BAZ2B: variants seen among roughly 807,000 people sequenced by gnomAD.
BAZ2B encodes the protein bromodomain adjacent to zinc finger domain 2B.
Under a neutral mutation model 246.0 loss-of-function variants are expected in BAZ2B, and 91 were observed. The ratio of observed to expected loss-of-function variants is 0.37; its 90% CI spans 0.31 to 0.44. The LOEUF is 0.44. Among genes scored for constraint, BAZ2B ranks in the 20% least tolerant of loss-of-function variants. BAZ2B has a pLI of 1.00. For synonymous variants in BAZ2B, 855 were observed against 860.0 expected (o/e 0.99, Z 0.10); for missense variants, 2,332 against 2,533.7 (o/e 0.92, Z 1.71).
chr2:159,415,993 T>C (rs577437331), intron 13 of BAZ2B, among the ~76,000 whole-genome samples: 1 of 152,332 alleles, frequency 6.6e-6, no homozygotes, highest in African/African-American at 2.4e-5. Context: ...AAGAACAGAC[T>C]GTGATTCAAA....
At position 159,431,024 on chromosome 2, in the gene BAZ2B, G is replaced by A; in HGVS notation, c.2033C>T (p.Ser678Phe). ...TSMKLNKTTS[S>F]VKSPSMSLTG... ...GAGACTCATGGAAGGGCTTTTGACA[G>A]AGGAAGTTGTTTTATTCAGTTTCAT... is the stretch of plus-strand genomic sequence containing the variant. The change falls in exon 10 of 37, where the codon TCT becomes TTT. Residue 678 changes from serine (S) to phenylalanine (F), a missense_variant. Transcript: ENST00000392783. 6.2e-7 allele frequency: 1 copy of A among 1,614,012 alleles called. No homozygotes were observed. The highest frequency in any genetic ancestry group is 8.5e-7 in the Non-Finnish European group (1 of 1,179,910).
chr2:159,658,769 T>C, the BAZ2B span, among the ~76,000 whole-genome samples: 2 of 152,132 alleles, frequency 1.3e-5, no homozygotes. Flanking sequence ...TGCACTCACT[T>C]TGGCCTCCCA....
the BAZ2B span, among the ~76,000 whole-genome samples, chr2:159,682,914 C>CA: frequency 0.28 from 38,390 of 136,494 alleles, 6,424 homozygotes; most frequent in Admixed American, 0.45. Flanking sequence ...ACCCCTCCCC[C>CA]CCCCCACACA....
chr2:159,502,485 T>A (rs998352517), intron 2 of BAZ2B, among the ~76,000 whole-genome samples: 3 of 144,526 alleles, frequency 2.1e-5, no homozygotes, highest in Non-Finnish European at 4.6e-5. Flanking sequence ...AAAAAAAAAA[T>A]TAGCCAAGCA....
Position 159,338,553 on chromosome 2 carries a change from A to G in BAZ2B, c.5455-781T>C, listed in dbSNP as rs545385586. ...ATGTATGTTGACTGAACAATCAATG[A>G]TCCTGTAGCTCAAAATCCTTCAAAG... is the stretch of plus-strand genomic sequence containing the variant. On this transcript the variant is annotated intron_variant, in intron 31 of 36. Coordinates refer to ENST00000392783, the MANE Select transcript of BAZ2B (RefSeq NM_013450.4). 2.0e-3 allele frequency among the ~76,000 whole-genome samples: 297 copies of G among 152,288 alleles called. 1 individual carries two copies. The highest frequency in any genetic ancestry group is 6.8e-3 in the African/African-American group (282 of 41,564).
intron 1 of BAZ2B, among the ~76,000 whole-genome samples, chr2:159,599,645 A>AC (rs1559874126): frequency 6.7e-6 from 1 of 149,874 alleles, no homozygotes; most frequent in African/African-American, 2.5e-5. Flanking sequence ...AAAGAAAAAA[A>AC]GAAATCTGGG....
chr2:159,524,890 C>T lies in BAZ2B; in HGVS notation c.-3+30933G>A, dbSNP rs186832095. On this transcript the variant is annotated intron_variant, in intron 2 of 36. Transcript: ENST00000392783. ...GTAATATAGATGAATGGACAAAGTACTCTATTTATCGTCTTGGAAGAATAA... is the reference window on the plus strand; with the variant it reads ...GTAATATAGATGAATGGACAAAGTATTCTATTTATCGTCTTGGAAGAATAA... 2.6e-5 allele frequency among the ~76,000 whole-genome samples: 4 copies of T among 152,106 alleles called. No homozygotes were observed. In the East Asian group the frequency reaches 7.7e-4, roughly 29 times the overall value.
intron 27 of BAZ2B, among the ~76,000 whole-genome samples, chr2:159,360,076 A>G (rs780331507): frequency 6.6e-6 from 1 of 152,200 alleles, no homozygotes; most frequent in Non-Finnish European, 1.5e-5. Flanking sequence ...TACCAATCCT[A>G]TTCAACATAG....
In BAZ2B at chr2:159,432,992, G is replaced by A. The variant is rs762471116; in HGVS notation, c.1665C>T (p.Ala555=). 4.3e-6 allele frequency: 7 copies of A among 1,614,140 alleles called. No individual in the cohort carries two copies. Among genetic ancestry groups the A allele is most frequent in the Admixed American group, 3.3e-5 (2 of 60,020 alleles). The change falls in exon 9 of 37, where the codon GCC becomes GCT. Residue 555 remains alanine, a synonymous_variant. Coordinates refer to ENST00000392783, the MANE Select transcript of BAZ2B (RefSeq NM_013450.4). The part of the protein sequence containing the change: ...PGNQTPVMPS[A]SPILHSQGKE... ...TCCCTTGACTATGCAGGATGGGAGA[G>A]GCAGAGGGCATTACAGGTGTCTGAT...
At chr2:159,438,759 A>C (rs2072871386) in intron 7 of BAZ2B, 64 bp from the exon 8 acceptor site, 9 of 1,492,184 alleles carry the variant, frequency 6.0e-6, no homozygotes, top group Non-Finnish European at 7.1e-6. Context: ...TCAAGCAGTA[A>C]AACCTGGAGA....
intron 3 of BAZ2B, among the ~76,000 whole-genome samples, chr2:159,477,737 C>T (rs998564754): frequency 6.6e-6 from 1 of 152,132 alleles, no homozygotes; most frequent in Non-Finnish European, 1.5e-5. Context: ...ATGTATTCTA[C>T]CACACCTTTG....
chr2:159,326,054 C>T (rs2063672790), intron 34 of BAZ2B, 136 bp from the exon 35 acceptor site: 2 of 730,322 alleles, frequency 2.7e-6, no homozygotes, highest in Non-Finnish European at 4.1e-6. Flanking sequence ...AACTATTATT[C>T]TTAAGAAAGA....
chr2:159,382,635 T>C lies in BAZ2B; in HGVS notation c.3929A>G (p.Gln1310Arg), dbSNP rs2062129160. 2 of 1,579,710 alleles carry C rather than the reference T, an allele frequency of 1.3e-6. No individual in the cohort carries two copies. Among genetic ancestry groups the C allele is most frequent in the South Asian group, 2.3e-5 (2 of 87,974 alleles). The change falls in exon 25 of 37, where the codon CAA (glutamine) becomes CGA (arginine). Residue 1310 changes from glutamine to arginine, a missense_variant. Physicochemically the swap from Gln to Arg is conservative, Grantham distance 43. This residue lies in a region of BAZ2B where 676 missense variants were observed against 668.6 expected (regional missense o/e 1.01). Coordinates refer to ENST00000392783, the MANE Select transcript of BAZ2B (RefSeq NM_013450.4). ...DDDDDDDSDD[Q>R]GDEDDEDEED... ...TTCATCCTCATCATCTTCATCCCCT[T>C]GGTCATCACTGTCATCGTCATCATC...
At chr2:159,602,969 T>C (rs1447332287) in intron 1 of BAZ2B, among the ~76,000 whole-genome samples, 2 of 151,984 alleles carry the variant, frequency 1.3e-5, no homozygotes, top group Admixed American at 6.6e-5. Context: ...AAACCCAATG[T>C]CTAATAAAAA....
intron 8 of BAZ2B, chr2:159,433,587 T>C: frequency 2.4e-6 from 1 of 409,794 alleles, no homozygotes; most frequent in South Asian, 5.0e-5. Flanking sequence ...TTAAAAATTA[T>C]ATGCCTTTTG....
chr2:159,462,810 C>T (rs1320969404), intron 3 of BAZ2B: 20 of 1,473,794 alleles, frequency 1.4e-5, no homozygotes, highest in Admixed American at 1.7e-5. Flanking sequence ...TGTTGCCCAT[C>T]GATAGTTTTT....
At chr2:159,479,531 C>G (rs1400752772) in intron 2 of BAZ2B, among the ~76,000 whole-genome samples, 1 of 152,136 alleles carries the variant, frequency 6.6e-6, no homozygotes, top group Admixed American at 6.6e-5. Flanking sequence ...AAAAAAGATA[C>G]TGCTTGCCTA....
rs200950941 is a variant in BAZ2B at position 159,354,353 on chromosome 2, AT to A, written c.4214-3997del. The stretch of plus-strand genomic sequence containing the variant: ...ACAGTTAAACCTCTAATTAAAAAAA[AT>A]ATATATATATTTTTTGAGATGGAGT... On this transcript the variant is annotated intron_variant, in intron 27 of 36. Coordinates refer to ENST00000392783, the MANE Select transcript of BAZ2B (RefSeq NM_013450.4). 6.7e-3 allele frequency among the ~76,000 whole-genome samples: 983 copies of A among 147,712 alleles called. 8 individuals carry two copies. The highest frequency in any genetic ancestry group is 0.02 in the African/African-American group (782 of 38,548).
At chr2:159,645,764 T>C in the BAZ2B span, among the ~76,000 whole-genome samples, 1 of 152,030 alleles carries the variant, frequency 6.6e-6, no homozygotes, top group African/African-American at 2.4e-5. Context: ...GGGGGAGACA[T>C]CACATGTCGG....
Sources: allele counts gnomAD v4.1 joint callset (sites outside exome capture counted in the v4.1 genomes callset), GRCh38; gene constraint gnomAD v4.1.1; regional missense constraint gnomAD v4.1.1; transcripts MANE v1.5; gene names NCBI Gene and HGNC (gene_info 2026-07-23, HGNC 2026-07-21).